The following VAT1L variants were observed in gnomAD, a reference collection of about 807,000 sequenced individuals.
VAT1L encodes vesicle amine transport 1 like.
A neutral mutation model predicts 44.1 loss-of-function variants in VAT1L; 34 were observed. The ratio of observed to expected loss-of-function variants is 0.77; its 90% confidence interval spans 0.59 to 1.03. The LOEUF (loss-of-function observed/expected upper bound fraction) is 1.03, where lower values mean the gene tolerates loss of function less well. Among genes scored for constraint, VAT1L ranks in the 50% least tolerant of loss-of-function variants. The pLI, the probability that VAT1L is intolerant of heterozygous loss-of-function variation, is 0.00. For synonymous variants in VAT1L, 253 were observed against 202.2 expected, an observed-to-expected ratio of 1.25 and a Z score of -2.13; for missense variants, 615 against 538.8, an observed-to-expected ratio of 1.14 and a Z score of -1.40.
intron 7 of VAT1L, among the ~76,000 whole-genome samples, chr16:77,944,384 G>A (rs1438291620): frequency 1.3e-5 from 2 of 152,176 alleles, no homozygotes; most frequent in African/African-American, 4.8e-5. Context: ...CCAGGCAGAG[G>A]TATAAAGATG....
intron 3 of VAT1L, among the ~76,000 whole-genome samples, chr16:77,831,996 T>TTTTTTTTG (rs1167954764): frequency 6.7e-5 from 10 of 149,692 alleles, no homozygotes; most frequent in Admixed American, 6.0e-4. Context: ...TTTTTTTTTT[T>TTTTTTTTG]TTTTGTATTT....
At chr16:77,896,078 G>T (rs559751997) in intron 7 of VAT1L, among the ~76,000 whole-genome samples, 1 of 152,310 alleles carries the variant, frequency 6.6e-6, no homozygotes, top group African/African-American at 2.4e-5. Context: ...GAATGGAGGG[G>T]AGAGGAAACG....
chr16:77,938,307 T>G (rs6564484), intron 7 of VAT1L, among the ~76,000 whole-genome samples: 93,201 of 151,596 alleles, frequency 0.61, 28,686 homozygotes, highest in Non-Finnish European at 0.64. Flanking sequence ...TATTTAGCTG[T>G]CTGTGTTGTA....
At chr16:77,930,722 T>G (rs983394129) in intron 7 of VAT1L, among the ~76,000 whole-genome samples, 5 of 152,138 alleles carry the variant, frequency 3.3e-5, no homozygotes, top group Admixed American at 3.3e-4. Flanking sequence ...TCCCAGGAAA[T>G]GGACATCTCC....
At chr16:77,917,428 G>A (rs2142490861) in intron 7 of VAT1L, among the ~76,000 whole-genome samples, 1 of 152,240 alleles carries the variant, frequency 6.6e-6, no homozygotes, top group Middle Eastern at 3.4e-3. Context: ...ATTGCTAAAG[G>A]AACTCAGGTT....
intron 7 of VAT1L, among the ~76,000 whole-genome samples, chr16:77,929,164 A>C (rs1273105154): frequency 6.6e-6 from 1 of 152,006 alleles, no homozygotes; most frequent in Non-Finnish European, 1.5e-5. Flanking sequence ...AATGCTCTCT[A>C]TTTGAGCTCT....
intron 1 of VAT1L, among the ~76,000 whole-genome samples, chr16:77,793,800 G>T (rs1026218535): frequency 3.9e-5 from 6 of 152,178 alleles, no homozygotes; most frequent in Non-Finnish European, 8.8e-5. Context: ...CACATCAGAA[G>T]AAAGCTACCA....
At chr16:77,927,019 C>T (rs2017676607) in intron 7 of VAT1L, among the ~76,000 whole-genome samples, 2 of 152,234 alleles carry the variant, frequency 1.3e-5, no homozygotes. Flanking sequence ...CAGTCATAGG[C>T]TATTTCCTGA....
intron 7 of VAT1L, among the ~76,000 whole-genome samples, chr16:77,945,528 G>A (rs1281032269): frequency 3.3e-5 from 5 of 151,840 alleles, no homozygotes; most frequent in Admixed American, 1.3e-4. Context: ...GGCCTCAAGC[G>A]ATTGTCCTGC....
chr16:77,793,807 A>G (rs566759120), intron 1 of VAT1L, among the ~76,000 whole-genome samples: 1 of 152,310 alleles, frequency 6.6e-6, no homozygotes, highest in South Asian at 2.1e-4. Context: ...GAAGAAAGCT[A>G]CCAGATTGGT....
intron 7 of VAT1L, among the ~76,000 whole-genome samples, chr16:77,927,061 C>T (rs76670501): frequency 0.19 from 28,444 of 151,870 alleles, 2,831 homozygotes; most frequent in Middle Eastern, 0.23. Context: ...TGTTATGGCC[C>T]GGCGCGGTGG....
chr16:77,821,702 T>C (rs947049611), intron 2 of VAT1L, among the ~76,000 whole-genome samples: 1 of 152,058 alleles, frequency 6.6e-6, no homozygotes, highest in African/African-American at 2.4e-5. Context: ...AAAGCAACCA[T>C]AAGGAGTTGT....
At chr16:77,822,281 T>G (rs1031455669) in intron 2 of VAT1L, among the ~76,000 whole-genome samples, 3 of 152,084 alleles carry the variant, frequency 2.0e-5, no homozygotes, top group Non-Finnish European at 4.4e-5. Context: ...ATTACAGATA[T>G]GGGCCACCAC....
intron 8 of VAT1L, among the ~76,000 whole-genome samples, chr16:77,974,467 C>T (rs1253636579): frequency 6.6e-6 from 1 of 152,208 alleles, no homozygotes; most frequent in Admixed American, 6.5e-5. Flanking sequence ...AGGGAGGATT[C>T]TTACTGGAGC....
intron 7 of VAT1L, among the ~76,000 whole-genome samples, chr16:77,923,775 A>G (rs1247008668): frequency 6.6e-6 from 1 of 152,198 alleles, no homozygotes; most frequent in Non-Finnish European, 1.5e-5. Flanking sequence ...TGCCTTCACT[A>G]CACTGGGGAG....
chr16:77,901,444 G>A (rs574439596), intron 7 of VAT1L, among the ~76,000 whole-genome samples: 94 of 152,186 alleles, frequency 6.2e-4, no homozygotes, highest in African/African-American at 2.2e-3. Flanking sequence ...GATTACAGGC[G>A]TGAGCCACCG....
chr16:77,867,953 T>A (rs975535759), intron 4 of VAT1L, among the ~76,000 whole-genome samples: 1 of 152,190 alleles, frequency 6.6e-6, no homozygotes, highest in Non-Finnish European at 1.5e-5. Flanking sequence ...AGACCTTTTG[T>A]TTTTTCATTT....
At chr16:77,826,341 T>G (rs2016523357) in intron 3 of VAT1L, among the ~76,000 whole-genome samples, 1 of 152,244 alleles carries the variant, frequency 6.6e-6, no homozygotes, top group Admixed American at 6.5e-5. Flanking sequence ...ATGGTCATTT[T>G]GTCAGTGATT....
chr16:77,849,766 A>G (rs1000228229), intron 3 of VAT1L, among the ~76,000 whole-genome samples: 2 of 152,242 alleles, frequency 1.3e-5, no homozygotes, highest in African/African-American at 4.8e-5. Context: ...GACAGTTAAA[A>G]CGTACTCTGA....
Sources: allele counts gnomAD v4.1 joint callset (sites outside exome capture counted in the v4.1 genomes callset), GRCh38; gene constraint gnomAD v4.1.1; transcripts MANE v1.5; gene names NCBI Gene and HGNC (gene_info 2026-07-23, HGNC 2026-07-21).